The following SLC3A2 variants were observed in gnomAD, a reference collection of about 807,000 sequenced individuals.
SLC3A2 encodes the protein solute carrier family 3 member 2.
In SLC3A2, 32 loss-of-function variants were observed where a neutral mutation model predicts 48.5. That is an observed-to-expected ratio of 0.66 (90% CI 0.50 to 0.89). SLC3A2 has a LOEUF of 0.89. Ranked by LOEUF, SLC3A2 falls within the 40% of genes least tolerant of loss-of-function variation. The pLI is 0.00. For missense variants in SLC3A2, 587 were observed against 680.7 expected, an observed-to-expected ratio of 0.86 and a Z score of 1.53; for synonymous variants, 277 against 288.8, an observed-to-expected ratio of 0.96 and a Z score of 0.41.
intron 2 of SLC3A2, chr11:62,882,654 T>G: frequency 2.4e-6 from 1 of 418,032 alleles, no homozygotes; most frequent in Non-Finnish European, 4.5e-6. Flanking sequence ...CCAGATAATT[T>G]TTTTATTTTT....
chr11:62,871,623 C>T, intron 1 of SLC3A2: 1 of 662,370 alleles, frequency 1.5e-6, no homozygotes, highest in Non-Finnish European at 2.8e-6. Flanking sequence ...AACTCTTGGC[C>T]TCAAGTGATC....
At chr11:62,861,369 C>T (rs953492744) in intron 1 of SLC3A2, among the ~76,000 whole-genome samples, 5 of 152,174 alleles carry the variant, frequency 3.3e-5, no homozygotes, top group Non-Finnish European at 4.4e-5. Flanking sequence ...CTCCTGCACA[C>T]AAGCAATCCT....
intron 1 of SLC3A2, among the ~76,000 whole-genome samples, chr11:62,866,366 G>A (rs559046123): frequency 1.3e-5 from 2 of 150,666 alleles, no homozygotes; most frequent in South Asian, 4.2e-4. Flanking sequence ...GATCCATCCT[G>A]ATGGGAATGT....
At chr11:62,871,853 G>A (rs1489700789) in intron 1 of SLC3A2, among the ~76,000 whole-genome samples, 8 of 151,836 alleles carry the variant, frequency 5.3e-5, no homozygotes, top group Non-Finnish European at 1.5e-5. Flanking sequence ...ATTGCATTTG[G>A]ATTTTTAGAT....
chr11:62,883,127 A>G (rs2135013264), intron 3 of SLC3A2, 128 bp downstream of exon 3: 4 of 774,348 alleles, frequency 5.2e-6, no homozygotes, highest in East Asian at 5.2e-5. Context: ...CCAAGGAGGA[A>G]TGCCTCCTCC....
Position 62,888,589 on chromosome 11 carries a change from C to T in SLC3A2, c.1486C>T (p.Leu496Phe). 6.2e-7 allele frequency: 1 copy of T among 1,613,574 alleles called. No individual in the cohort carries two copies. ...CCTGCCAGCCAAGGCTGACCTCCTG[C>T]TCAGCACCCAGCCAGGCCGTGAGGA... ...ASLPAKADLLLSTQPGREEGS... is the reference protein window; with the variant it reads ...ASLPAKADLLFSTQPGREEGS... Residue 496 changes from leucine to phenylalanine, a missense_variant, in exon 9 of 9, where the codon CTC (leucine) becomes TTC (phenylalanine). This residue lies in a region of SLC3A2 where 169 missense variants were observed against 204.4 expected (regional missense o/e 0.83). Coordinates refer to ENST00000338663, the MANE Select transcript of SLC3A2 (RefSeq NM_001013251.3).
At chr11:62,864,576 C>T (rs577279780) in intron 1 of SLC3A2, among the ~76,000 whole-genome samples, 8 of 151,686 alleles carry the variant, frequency 5.3e-5, no homozygotes, top group Admixed American at 4.6e-4. Flanking sequence ...ACGCCATTCT[C>T]CTGCCTCAGC....
intron 1 of SLC3A2, among the ~76,000 whole-genome samples, chr11:62,875,232 T>A (rs902253999): frequency 6.6e-6 from 1 of 152,202 alleles, no homozygotes; most frequent in Non-Finnish European, 1.5e-5. Flanking sequence ...TCCTCCCATC[T>A]TCTCTCTGCC....
chr11:62,878,877 C>T (rs1392744766), upstream of SLC3A2, among the ~76,000 whole-genome samples: 3 of 151,690 alleles, frequency 2.0e-5, no homozygotes, highest in Admixed American at 6.6e-5. Context: ...CGGGTTCAAG[C>T]GATTCTCATG....
intron 7 of SLC3A2, among the ~76,000 whole-genome samples, chr11:62,887,283 A>C (rs1332382835): frequency 6.6e-6 from 1 of 152,124 alleles, no homozygotes; most frequent in Non-Finnish European, 1.5e-5. Context: ...AGACCTGGTA[A>C]GATAACCAAG....
chr11:62,864,683 G>T (rs547760390), intron 1 of SLC3A2, among the ~76,000 whole-genome samples: 175 of 151,938 alleles, frequency 1.2e-3, no homozygotes, highest in African/African-American at 4.1e-3. Context: ...AGCCAGGATG[G>T]TGTCGACCTC....
chr11:62,869,968 A>G (rs1424750878), intron 1 of SLC3A2, among the ~76,000 whole-genome samples: 1 of 151,152 alleles, frequency 6.6e-6, no homozygotes, highest in African/African-American at 2.4e-5. Flanking sequence ...TTTTTAGTAG[A>G]GACGGGGTTT....
At chr11:62,884,163 A>G in intron 3 of SLC3A2, 1 of 547,028 alleles carries the variant, frequency 1.8e-6, no homozygotes, top group Non-Finnish European at 3.4e-6. Flanking sequence ...GTTTATGGAC[A>G]TACCTTTTCT....
chr11:62,861,022 T>C (rs2085392949), intron 1 of SLC3A2, among the ~76,000 whole-genome samples: 1 of 152,112 alleles, frequency 6.6e-6, no homozygotes, highest in Non-Finnish European at 1.5e-5. Context: ...TGGAGTTTCT[T>C]ATGTCTTCCT....
chr11:62,858,288 G>T (rs916452929), intron 1 of SLC3A2, among the ~76,000 whole-genome samples: 1 of 152,226 alleles, frequency 6.6e-6, no homozygotes, highest in Non-Finnish European at 1.5e-5. Context: ...GGACTCTGGT[G>T]AACTGGGCAG....
intron 1 of SLC3A2, among the ~76,000 whole-genome samples, chr11:62,863,441 C>T (rs138792038): frequency 6.6e-6 from 1 of 152,088 alleles, no homozygotes; most frequent in Non-Finnish European, 1.5e-5. Context: ...AGGCGGGTCT[C>T]CAACTCCTGG....
At chr11:62,864,307 GTT>G (rs35455481) in intron 1 of SLC3A2, among the ~76,000 whole-genome samples, 35 of 144,768 alleles carry the variant, frequency 2.4e-4, no homozygotes, top group African/African-American at 5.1e-4. Flanking sequence ...TAAATACTTG[GTT>G]TTTTTTTTTT....
At chr11:62,871,650 C>A in intron 1 of SLC3A2, 1 of 665,196 alleles carries the variant, frequency 1.5e-6, no homozygotes. Flanking sequence ...CCTTAGCTTC[C>A]AAGAATGCTG....
upstream of SLC3A2, chr11:62,880,783 C>G: frequency 1.5e-6 from 1 of 673,602 alleles, no homozygotes; most frequent in South Asian, 2.5e-5. Flanking sequence ...GTGTTCCTGA[C>G]TTTACTACCC....
Sources: allele counts gnomAD v4.1 joint callset (sites outside exome capture counted in the v4.1 genomes callset), GRCh38; gene constraint gnomAD v4.1.1; regional missense constraint gnomAD v4.1.1; transcripts MANE v1.5; gene names NCBI Gene and HGNC (gene_info 2026-07-23, HGNC 2026-07-21).